TTC29: variants seen among roughly 807,000 people sequenced by gnomAD.
TTC29 encodes tetratricopeptide repeat domain 29.
A neutral mutation model predicts 58.1 loss-of-function variants in TTC29; 49 were observed. The observed-to-expected ratio is 0.84, with a 90% CI of 0.67 to 1.07. The LOEUF is 1.07. TTC29 is among the 50% of genes least tolerant of loss of function. The probability of loss-of-function intolerance (pLI) is 0.00; values close to 1 mark genes in which losing one functional copy is unlikely to be tolerated. For synonymous variants in TTC29, 209 were observed against 196.8 expected (o/e 1.06, Z -0.52); for missense variants, 582 against 555.6 (o/e 1.05, Z -0.48).
At chr4:146,804,159 C>T (rs1750434572) in intron 10 of TTC29, among the ~76,000 whole-genome samples, 1 of 152,146 alleles carries the variant, frequency 6.6e-6, no homozygotes, top group South Asian at 2.1e-4. Flanking sequence ...GGAATTCCCT[C>T]ATCTAGCCAA....
intron 3 of TTC29, 106 bp downstream of exon 3, chr4:146,939,698 T>C: frequency 9.2e-7 from 1 of 1,086,976 alleles, no homozygotes; most frequent in Non-Finnish European, 1.3e-6. Context: ...ACAAGGCATT[T>C]TTCTCTTCTC....
At chr4:146,876,426 C>A (rs1218440904) in intron 6 of TTC29, among the ~76,000 whole-genome samples, 2 of 152,162 alleles carry the variant, frequency 1.3e-5, no homozygotes, top group Non-Finnish European at 2.9e-5. Flanking sequence ...TTAACCTATG[C>A]AGGTTATATT....
At chr4:146,840,871 C>A (rs1728811466) in intron 8 of TTC29, among the ~76,000 whole-genome samples, 1 of 151,970 alleles carries the variant, frequency 6.6e-6, no homozygotes, top group Non-Finnish European at 1.5e-5. Context: ...ATAAATGATA[C>A]AATGAGAAAG....
At chr4:146,888,158 A>G (rs1239278191) in intron 6 of TTC29, among the ~76,000 whole-genome samples, 1 of 152,168 alleles carries the variant, frequency 6.6e-6, no homozygotes, top group Non-Finnish European at 1.5e-5. Flanking sequence ...TTTTAATCAA[A>G]GACACAAGTC....
At chr4:146,909,393 C>T in intron 4 of TTC29, 144 bp from the exon 5 acceptor site, 1 of 662,640 alleles carries the variant, frequency 1.5e-6, no homozygotes, top group Non-Finnish European at 2.5e-6. Context: ...AAGATCTTTG[C>T]CTCAAACACT....
At position 146,914,841 on chromosome 4, in the gene TTC29, A is replaced by G. The variant is rs148154230; in HGVS notation, c.177-5592T>C. ...AAAAATGCAGAGATTTAAAAAATCTAGAGACTGACAGAAAGCAGAGCTGAA... is the reference window on the plus strand; with the variant it reads ...AAAAATGCAGAGATTTAAAAAATCTGGAGACTGACAGAAAGCAGAGCTGAA... On this transcript the variant is annotated intron_variant, in intron 4 of 12. Transcript: ENST00000325106. 4.1e-3 allele frequency among the ~76,000 whole-genome samples: 628 copies of G among 152,296 alleles called. 6 individuals carry two copies. Among genetic ancestry groups the G allele is most frequent in the African/African-American group, 0.014 (582 of 41,576 alleles).
At chr4:146,830,787 AT>A in intron 9 of TTC29, among the ~76,000 whole-genome samples, 1 of 138,336 alleles carries the variant, frequency 7.2e-6, no homozygotes, top group South Asian at 2.1e-4. Context: ...GGGTATGTGC[AT>A]GTATGTATGT....
chr4:146,816,151 T>C (rs868418796), intron 10 of TTC29, among the ~76,000 whole-genome samples: 1 of 150,286 alleles, frequency 6.7e-6, no homozygotes, highest in East Asian at 1.9e-4. Context: ...TTCATCCCTA[T>C]TCTAACAAAA....
At chr4:146,874,021 T>C (rs920131426) in intron 7 of TTC29, among the ~76,000 whole-genome samples, 1 of 152,188 alleles carries the variant, frequency 6.6e-6, no homozygotes, top group African/African-American at 2.4e-5. Flanking sequence ...TAAAAGCTTA[T>C]AAGAATATGC....
intron 11 of TTC29, among the ~76,000 whole-genome samples, chr4:146,747,822 C>T (rs1745662399): frequency 6.6e-6 from 1 of 152,210 alleles, no homozygotes. Flanking sequence ...AGAAGCTTGA[C>T]TTAGTGGTGC....
rs1009021446 is a variant in TTC29, at chr4:146,745,094, C to T, written c.1331-37543G>A. 3.9e-5 allele frequency among the ~76,000 whole-genome samples: 6 copies of T among 152,188 alleles called. No individual in the cohort carries two copies. In the South Asian group the frequency reaches 6.2e-4, roughly 16 times the overall value. ...GCATTAGACTACCACCAGTTTCTAT[C>T]GAGCACATGCCATGTTCACAGTTGG... On this transcript the variant is annotated intron_variant, in intron 11 of 12. Transcript: ENST00000325106.
intron 2 of TTC29, among the ~76,000 whole-genome samples, chr4:146,940,463 G>C (rs1736275780): frequency 6.6e-6 from 1 of 152,270 alleles, no homozygotes; most frequent in African/African-American, 2.4e-5. Context: ...AAAATGTACT[G>C]TTTTTTAAAA....
chr4:146,798,494 A>G (rs1033999807), intron 11 of TTC29, among the ~76,000 whole-genome samples: 7 of 152,158 alleles, frequency 4.6e-5, no homozygotes, highest in African/African-American at 1.7e-4. Context: ...AATGATAATA[A>G]TAAGTTTCCT....
At chr4:146,732,646 G>T (rs959797663) in intron 11 of TTC29, among the ~76,000 whole-genome samples, 1 of 152,008 alleles carries the variant, frequency 6.6e-6, no homozygotes, top group South Asian at 2.1e-4. Flanking sequence ...AGGAGAAGAG[G>T]TCAAGGAAGT....
At chr4:146,736,389 C>T (rs1744711254) in intron 11 of TTC29, among the ~76,000 whole-genome samples, 1 of 152,092 alleles carries the variant, frequency 6.6e-6, no homozygotes, top group Non-Finnish European at 1.5e-5. Flanking sequence ...CTTTACCTGA[C>T]TGTATCATGG....
chr4:146,823,527 G>A (rs1041320501), intron 9 of TTC29, among the ~76,000 whole-genome samples: 1 of 152,166 alleles, frequency 6.6e-6, no homozygotes, highest in Admixed American at 6.5e-5. Context: ...TTTGAAGTCA[G>A]GTAGCATGAT....
intron 11 of TTC29, among the ~76,000 whole-genome samples, chr4:146,735,879 A>G (rs1266078573): frequency 6.6e-6 from 1 of 152,230 alleles, no homozygotes; most frequent in Non-Finnish European, 1.5e-5. Context: ...TTAATTAACA[A>G]GACAATAGGG....
chr4:146,739,602 T>C (rs1561077128), intron 11 of TTC29, among the ~76,000 whole-genome samples: 1 of 152,216 alleles, frequency 6.6e-6, no homozygotes, highest in Non-Finnish European at 1.5e-5. Context: ...TATTGAATGA[T>C]TTTCAGCACT....
intron 2 of TTC29, 148 bp from the exon 3 acceptor site, chr4:146,940,049 CAGTG>C: frequency 1.4e-6 from 1 of 706,600 alleles, no homozygotes; most frequent in South Asian, 3.6e-5. Context: ...GAATCATGCT[CAGTG>C]AGTGGATTCT....
Sources: allele counts gnomAD v4.1 joint callset (sites outside exome capture counted in the v4.1 genomes callset), GRCh38; gene constraint gnomAD v4.1.1; transcripts MANE v1.5; gene names NCBI Gene and HGNC (gene_info 2026-07-23, HGNC 2026-07-21).